Variants in RALYL observed in about 807,000 individuals in gnomAD.
RALYL encodes RNA-binding Raly-like protein.
Under a neutral mutation model 35.1 loss-of-function variants are expected in RALYL, and 29 were observed. The ratio of observed to expected loss-of-function variants is 0.83; its 90% CI spans 0.61 to 1.13. The LOEUF (loss-of-function observed/expected upper bound fraction) is 1.13. Among genes scored for constraint, RALYL ranks in the 50% most tolerant of loss-of-function variants. The pLI is 0.00. For missense variants in RALYL, 359 were observed against 360.4 expected (o/e 1.00, Z 0.03); for synonymous variants, 120 against 127.6 (o/e 0.94, Z 0.40).
intron 2 of RALYL, among the ~76,000 whole-genome samples, chr8:84,568,986 A>G (rs897187532): frequency 6.7e-6 from 1 of 148,544 alleles, no homozygotes; most frequent in Non-Finnish European, 1.5e-5. Flanking sequence ...ATTTTCTCCC[A>G]TTTTGTAGGT....
At chr8:84,270,368 CAA>C (rs764743676) in intron 1 of RALYL, among the ~76,000 whole-genome samples, 1 of 152,050 alleles carries the variant, frequency 6.6e-6, no homozygotes, top group African/African-American at 2.4e-5. Flanking sequence ...ACACACAAGA[CAA>C]AGGCAAATAT....
intron 1 of RALYL, among the ~76,000 whole-genome samples, chr8:84,268,776 GAAGT>G (rs969574405): frequency 3.0e-4 from 45 of 152,270 alleles, no homozygotes; most frequent in African/African-American, 9.9e-4. Context: ...GTAGCCTTCT[GAAGT>G]AAGTGAGAAA....
intron 5 of RALYL, among the ~76,000 whole-genome samples, chr8:84,852,425 T>C (rs1190954721): frequency 6.6e-6 from 1 of 152,192 alleles, no homozygotes; most frequent in Non-Finnish European, 1.5e-5. Context: ...CATTTACTAT[T>C]AAGGAAGGAT....
chr8:84,897,103 A>G (rs1314602122), intron 8 of RALYL, among the ~76,000 whole-genome samples: 1 of 152,228 alleles, frequency 6.6e-6, no homozygotes, highest in Non-Finnish European at 1.5e-5. Flanking sequence ...AACTTCTTTC[A>G]GCCTTGGTAT....
chr8:84,647,997 G>A (rs1827857988), intron 2 of RALYL, among the ~76,000 whole-genome samples: 3 of 152,044 alleles, frequency 2.0e-5, no homozygotes, highest in Non-Finnish European at 2.9e-5. Flanking sequence ...ACAGTAGTAG[G>A]TAATGGGTGC....
chr8:84,483,754 C>T (rs1202593260), intron 1 of RALYL, among the ~76,000 whole-genome samples: 1 of 152,082 alleles, frequency 6.6e-6, no homozygotes, highest in Non-Finnish European at 1.5e-5. Flanking sequence ...ACAAAGCATG[C>T]TGAGTTGCAA....
intron 1 of RALYL, among the ~76,000 whole-genome samples, chr8:84,247,554 A>T (rs941868454): frequency 3.5e-4 from 54 of 152,166 alleles, no homozygotes; most frequent in African/African-American, 1.2e-3. Context: ...AAGAAAAAAA[A>T]ACTTGGTGCA....
intron 2 of RALYL, among the ~76,000 whole-genome samples, chr8:84,669,492 C>A (rs563684860): frequency 8.2e-4 from 46 of 55,928 alleles, no homozygotes; most frequent in Middle Eastern, 8.2e-3. Context: ...CCCCCTCCCC[C>A]CCCCCCCACT....
At chr8:84,239,348 T>C (rs1451210495) in intron 1 of RALYL, among the ~76,000 whole-genome samples, 2 of 152,174 alleles carry the variant, frequency 1.3e-5, no homozygotes, top group East Asian at 3.9e-4. Context: ...TCTAATTCTA[T>C]CAGAACCAGG....
chr8:84,662,090 T>C (rs1831053904), intron 2 of RALYL, among the ~76,000 whole-genome samples: 2 of 152,184 alleles, frequency 1.3e-5, no homozygotes, highest in Admixed American at 1.3e-4. Flanking sequence ...ATTCAACGTG[T>C]GACCTCTTTT....
intron 2 of RALYL, among the ~76,000 whole-genome samples, chr8:84,645,526 G>A (rs921576570): frequency 1.3e-5 from 2 of 151,580 alleles, no homozygotes; most frequent in Admixed American, 1.3e-4. Flanking sequence ...CCTTTTCCAT[G>A]TTTTCTTTTT....
chr8:84,592,497 CTG>C (rs1813521779), intron 2 of RALYL, among the ~76,000 whole-genome samples: 1 of 152,048 alleles, frequency 6.6e-6, no homozygotes, highest in Non-Finnish European at 1.5e-5. Context: ...TCCTTAAACT[CTG>C]TGGAAGTTTC....
chr8:84,604,857 G>A (rs1433471374), intron 2 of RALYL, among the ~76,000 whole-genome samples: 1 of 152,146 alleles, frequency 6.6e-6, no homozygotes, highest in African/African-American at 2.4e-5. Context: ...AAGGAAAACA[G>A]TTGAGTGCAA....
At chr8:84,219,197 C>A (rs532729797) in intron 1 of RALYL, among the ~76,000 whole-genome samples, 20 of 152,116 alleles carry the variant, frequency 1.3e-4, no homozygotes, top group African/African-American at 4.8e-4. Flanking sequence ...AAGGAAGAGA[C>A]CTGGTGGAGG....
chr8:84,841,601 C>T (rs1833371254), intron 4 of RALYL, among the ~76,000 whole-genome samples: 1 of 152,188 alleles, frequency 6.6e-6, no homozygotes, highest in Admixed American at 6.5e-5. Flanking sequence ...CTGAACTCAG[C>T]TCTGCACCAA....
chr8:84,233,157 TG>T (rs201235199), intron 1 of RALYL, among the ~76,000 whole-genome samples: 3 of 151,954 alleles, frequency 2.0e-5, no homozygotes, highest in African/African-American at 7.2e-5. Context: ...TAATTTTTAT[TG>T]TTTTTTTGTA....
intron 1 of RALYL, 112 bp from the exon 2 acceptor site, chr8:84,529,187 G>A: frequency 9.6e-7 from 1 of 1,042,262 alleles, no homozygotes; most frequent in Non-Finnish European, 1.4e-6. Context: ...CTTAGGGATT[G>A]GAGGTTTCCT....
At chr8:84,606,777 G>C (rs1588470134) in intron 2 of RALYL, among the ~76,000 whole-genome samples, 1 of 152,000 alleles carries the variant, frequency 6.6e-6, no homozygotes, top group Non-Finnish European at 1.5e-5. Flanking sequence ...TTTGAAAACT[G>C]AGTATTAAAA....
At chr8:84,408,543 T>C (rs1563870220) in intron 1 of RALYL, among the ~76,000 whole-genome samples, 5 of 152,200 alleles carry the variant, frequency 3.3e-5, no homozygotes, top group Admixed American at 2.0e-4. Context: ...GAAGCTTCTT[T>C]CTTATTTCAT....
Sources: allele counts gnomAD v4.1 joint callset (sites outside exome capture counted in the v4.1 genomes callset), GRCh38; gene constraint gnomAD v4.1.1; transcripts MANE v1.5; gene names NCBI Gene and HGNC (gene_info 2026-07-23, HGNC 2026-07-21).